Variants in PDE8B observed in about 807,000 individuals in gnomAD.
PDE8B encodes high affinity cAMP-specific and IBMX-insensitive 3',5'-cyclic phosphodiesterase 8B.
PDE8B carries 26 observed loss-of-function variants against 101.3 expected under a neutral mutation model. The ratio of observed to expected loss-of-function variants is 0.26; its 90% CI spans 0.19 to 0.36. The LOEUF (loss-of-function observed/expected upper bound fraction) is 0.36, where lower values mean the gene tolerates loss of function less well. Ranked by LOEUF, PDE8B falls within the 10% of genes least tolerant of loss-of-function variation. The pLI, the probability that PDE8B is intolerant of heterozygous loss-of-function variation, is 1.00. For synonymous variants in PDE8B, 424 were observed against 429.3 expected, an observed-to-expected ratio of 0.99 and a Z score of 0.15; for missense variants, 810 against 1,163.1, an observed-to-expected ratio of 0.70 and a Z score of 4.42.
At chr5:77,143,062 C>A in the PDE8B span, among the ~76,000 whole-genome samples, 1 of 152,026 alleles carries the variant, frequency 6.6e-6, no homozygotes, top group Admixed American at 6.6e-5. Flanking sequence ...CCTAGGATAT[C>A]GGGAACCAGA....
intron 10 of PDE8B, among the ~76,000 whole-genome samples, chr5:77,391,591 A>C (rs1789935116): frequency 6.6e-6 from 1 of 152,164 alleles, no homozygotes; most frequent in Non-Finnish European, 1.5e-5. Context: ...CCCTGTACCT[A>C]GTGGCTGGCA....
In PDE8B at chr5:77,325,213, G is replaced by A. The variant is rs1233651651; in HGVS notation, c.400-326G>A. Among the ~76,000 whole-genome samples the A allele has an allele frequency of 2.0e-5, 3 of 152,146 alleles. No individual in the cohort carries two copies. The East Asian group carries it at 5.8e-4, about 29-fold the overall frequency. ...AGACAGGGTCTCACTCTGTTGCCCA[G>A]CTGGAGTGCAGTGGTGCAATCATGG... is the stretch of plus-strand genomic sequence containing the variant. On this transcript the variant is annotated intron_variant, in intron 2 of 21. Transcript: ENST00000264917.
chr5:77,416,190 A>G (rs1561683077), intron 17 of PDE8B, among the ~76,000 whole-genome samples: 2 of 152,200 alleles, frequency 1.3e-5, no homozygotes, highest in African/African-American at 4.8e-5. Context: ...CACTGAGGGC[A>G]TGGTTTAAAT....
chr5:77,193,349 G>T, the PDE8B span, among the ~76,000 whole-genome samples: 1 of 152,226 alleles, frequency 6.6e-6, no homozygotes, highest in East Asian at 1.9e-4. Flanking sequence ...TGTAAAGTAA[G>T]GGTGGAAGGA....
intron 2 of PDE8B, among the ~76,000 whole-genome samples, chr5:77,318,081 A>AAC: frequency 6.7e-6 from 1 of 149,062 alleles, no homozygotes; most frequent in African/African-American, 2.5e-5. Flanking sequence ...AAAAAAACAC[A>AAC]ACAACAACAA....
At chr5:77,230,376 C>A (rs1424072919) in intron 1 of PDE8B, among the ~76,000 whole-genome samples, 1 of 152,228 alleles carries the variant, frequency 6.6e-6, no homozygotes, top group African/African-American at 2.4e-5. Context: ...ACTGGCTTTA[C>A]AGGGATGGAT....
the PDE8B span, among the ~76,000 whole-genome samples, chr5:77,109,499 T>C: frequency 1.3e-5 from 2 of 152,206 alleles, no homozygotes; most frequent in South Asian, 4.1e-4. Context: ...CCCAAGGCTA[T>C]GGGATCTTTA....
At chr5:77,313,437 C>T (rs1027965904) in intron 2 of PDE8B, among the ~76,000 whole-genome samples, 2 of 152,118 alleles carry the variant, frequency 1.3e-5, no homozygotes, top group Non-Finnish European at 1.5e-5. Context: ...TCATTCTGAG[C>T]CATGCCCTTT....
chr5:77,277,419 G>A (rs762124592), intron 1 of PDE8B, among the ~76,000 whole-genome samples: 3 of 152,144 alleles, frequency 2.0e-5, no homozygotes, highest in South Asian at 2.1e-4. Context: ...TTATTATTTC[G>A]GTGTTTCCCT....
At chr5:77,294,626 AATTG>A (rs765430155) in intron 1 of PDE8B, among the ~76,000 whole-genome samples, 21 of 151,980 alleles carry the variant, frequency 1.4e-4, no homozygotes, top group Non-Finnish European at 3.1e-4. Context: ...TATGAAAGGG[AATTG>A]ATTACTCAGA....
chr5:77,100,677 G>A, the PDE8B span, among the ~76,000 whole-genome samples: 1 of 152,158 alleles, frequency 6.6e-6, no homozygotes, highest in Admixed American at 6.5e-5. Context: ...CTGGCAGGCT[G>A]GGGGCCGGGC....
At position 77,425,809 on chromosome 5, in the gene PDE8B, G is replaced by A. The variant is rs1415280652; in HGVS notation, c.2461G>A (p.Val821Met). Residue 821 changes from valine to methionine, a missense_variant, in exon 21 of 22, where the codon GTG becomes ATG. By Grantham distance (21) the Val-to-Met change is conservative. This residue lies in a region of PDE8B where 325 missense variants were observed against 560.9 expected (regional missense o/e 0.58). Coordinates refer to ENST00000264917, the MANE Select transcript of PDE8B (RefSeq NM_003719.5). ...ACAGGGACTACCTGTGGTGATGCCA[G>A]TGTTTGACCGGAATACCTGTAGCAT... Reference protein sequence around the residue: ...KRQGLPVVMPVFDRNTCSIPK... With the variant: ...KRQGLPVVMPMFDRNTCSIPK... 6.2e-7 allele frequency: 1 copy of A among 1,613,070 alleles called. No individual in the cohort carries two copies. The highest frequency in any genetic ancestry group is 1.7e-5 in the Admixed American group (1 of 60,004).
intron 1 of PDE8B, among the ~76,000 whole-genome samples, chr5:77,263,908 G>A (rs1236688163): frequency 6.6e-6 from 1 of 152,134 alleles, no homozygotes; most frequent in Non-Finnish European, 1.5e-5. Context: ...CCAAGAGAAA[G>A]CCTCTACATT....
the PDE8B span, chr5:77,105,699 T>A: frequency 1.3e-5 from 2 of 152,208 alleles, no homozygotes; most frequent in African/African-American, 4.8e-5. Context: ...GGTAAATATG[T>A]ATTTAAATTT....
the PDE8B span, chr5:77,146,193 C>A: frequency 6.6e-6 from 1 of 152,210 alleles, no homozygotes; most frequent in Non-Finnish European, 1.5e-5. Flanking sequence ...AGATGCTGGA[C>A]TTCAAGCAGA....
At chr5:77,418,174 T>C in intron 17 of PDE8B, 55 bp from the exon 18 acceptor site, 1 of 1,116,212 alleles carries the variant, frequency 9.0e-7, no homozygotes, top group South Asian at 1.2e-5. Flanking sequence ...CAAGGATGGA[T>C]GTGGGTCTCC....
At chr5:77,290,446 A>G (rs780945686) in intron 1 of PDE8B, 54 of 1,452,496 alleles carry the variant, frequency 3.7e-5, no homozygotes, top group Non-Finnish European at 4.8e-5. Context: ...GTGGCAGACT[A>G]TGAAGAAACT....
intron 10 of PDE8B, among the ~76,000 whole-genome samples, chr5:77,354,833 A>C (rs1031226687): frequency 2.6e-5 from 4 of 152,146 alleles, no homozygotes; most frequent in Non-Finnish European, 5.9e-5. Context: ...CATGTGCCCA[A>C]GTCCTACCAG....
intron 1 of PDE8B, among the ~76,000 whole-genome samples, chr5:77,283,372 T>A (rs1446045349): frequency 1.3e-5 from 2 of 152,176 alleles, no homozygotes; most frequent in Non-Finnish European, 2.9e-5. Flanking sequence ...ATAGTTTACA[T>A]TAGGGTTCAC....
Sources: allele counts gnomAD v4.1 joint callset (sites outside exome capture counted in the v4.1 genomes callset), GRCh38; gene constraint gnomAD v4.1.1; regional missense constraint gnomAD v4.1.1; transcripts MANE v1.5; gene names NCBI Gene and HGNC (gene_info 2026-07-23, HGNC 2026-07-21).